PLGRKT: variants seen among roughly 807,000 people sequenced by gnomAD.
PLGRKT encodes plasminogen receptor with a C-terminal lysine, also known as plasminogen receptor (KT).
Under a neutral mutation model 18.5 loss-of-function variants are expected in PLGRKT, and 22 were observed. The observed-to-expected ratio is 1.19, with a 90% CI of 0.85 to 1.70. The LOEUF (loss-of-function observed/expected upper bound fraction) is 1.70. Ranked by LOEUF, PLGRKT falls within the 40% of genes most tolerant of loss-of-function variation. PLGRKT has a pLI of 0.00. For synonymous variants in PLGRKT, 72 were observed against 52.8 expected, an observed-to-expected ratio of 1.36 and a Z score of -1.58; for missense variants, 235 against 174.4, an observed-to-expected ratio of 1.35 and a Z score of -1.96.
chr9:5,415,286 C>T (rs1243942673), intron 3 of PLGRKT, among the ~76,000 whole-genome samples: 1 of 151,998 alleles, frequency 6.6e-6, no homozygotes, highest in East Asian at 1.9e-4. Flanking sequence ...AGTTTATAAC[C>T]CATAGAGTAA....
Position 5,409,523 on chromosome 9 carries a change from T to C in PLGRKT, c.81+22374A>G, listed in dbSNP as rs1818320748. ...TCTTGTGATCGTGTGAGTTAATACT[T>C]AATAAACTCCCCTTTATATATATAC... On this transcript the variant is annotated intron_variant, in intron 3 of 5. Transcript: ENST00000223864. 3.3e-5 allele frequency among the ~76,000 whole-genome samples: 5 copies of C among 152,204 alleles called. No homozygotes were observed. The South Asian group carries it at 1.0e-3, about 31-fold the overall frequency.
intron 4 of PLGRKT, 80 bp downstream of exon 4, chr9:5,361,678 G>C: frequency 7.2e-7 from 1 of 1,380,250 alleles, no homozygotes; most frequent in Non-Finnish European, 1.0e-6. Context: ...GTCTTATTCT[G>C]GCCAACTTCA....
intron 3 of PLGRKT, among the ~76,000 whole-genome samples, chr9:5,363,202 C>G (rs1817306299): frequency 6.6e-6 from 1 of 151,988 alleles, no homozygotes; most frequent in South Asian, 2.1e-4. Context: ...AGAGGATCAG[C>G]AGCACCCGAG....
At chr9:5,420,720 C>T (rs1041461867) in intron 3 of PLGRKT, among the ~76,000 whole-genome samples, 1 of 152,312 alleles carries the variant, frequency 6.6e-6, no homozygotes, top group East Asian at 1.9e-4. Context: ...CTTTCTTCTC[C>T]TCCACCTACT....
rs554487361 is a variant in PLGRKT, at chr9:5,424,698, A to ACACACAC, written c.81+7198_81+7199insGTGTGTG. Among the ~76,000 whole-genome samples, 268 of 75,250 alleles carry ACACACAC rather than the reference A, an allele frequency of 3.6e-3. 5 individuals carry two copies. The highest frequency in any genetic ancestry group is 0.011 in the African/African-American group (242 of 21,480). 49.4% of individuals were successfully genotyped at this position (75,250 alleles called of 152,430 possible). ...TATATATATATATATATATACACAC[A>ACACACAC]GGGGGGGGAGAGAGGGAGAGACAGA... On this transcript the variant is annotated intron_variant, in intron 3 of 5. Transcript: ENST00000223864.
intron 3 of PLGRKT, chr9:5,392,599 T>A (rs550070068): frequency 1.3e-5 from 2 of 152,054 alleles, no homozygotes; most frequent in African/African-American, 4.8e-5. Flanking sequence ...ACATACTAGC[T>A]GTGTGACCTC....
chr9:5,419,876 T>C (rs1368476439), intron 3 of PLGRKT, among the ~76,000 whole-genome samples: 1 of 152,188 alleles, frequency 6.6e-6, no homozygotes, highest in Non-Finnish European at 1.5e-5. Flanking sequence ...ACTAGGTATA[T>C]ACCCAAAAGA....
intron 3 of PLGRKT, among the ~76,000 whole-genome samples, chr9:5,401,238 T>C (rs1475664295): frequency 2.0e-5 from 3 of 151,764 alleles, no homozygotes; most frequent in African/African-American, 7.3e-5. Flanking sequence ...ACTGGAAGTC[T>C]ATCAAAGACA....
At chr9:5,372,357 T>A (rs1817538062) in intron 3 of PLGRKT, among the ~76,000 whole-genome samples, 1 of 152,172 alleles carries the variant, frequency 6.6e-6, no homozygotes, top group South Asian at 2.1e-4. Flanking sequence ...TATATTCATA[T>A]TCTAATATGC....
intron 3 of PLGRKT, among the ~76,000 whole-genome samples, chr9:5,374,725 G>A (rs1222541420): frequency 6.6e-6 from 1 of 152,074 alleles, no homozygotes; most frequent in Admixed American, 6.6e-5. Context: ...ATTTAAGCCT[G>A]ATTTTAATAT....
At chr9:5,369,082 G>A (rs559499796) in intron 3 of PLGRKT, among the ~76,000 whole-genome samples, 1 of 152,232 alleles carries the variant, frequency 6.6e-6, no homozygotes, top group African/African-American at 2.4e-5. Flanking sequence ...AAAAGCAATA[G>A]CAACAAAAGC....
chr9:5,377,056 T>C (rs928415246), intron 3 of PLGRKT, among the ~76,000 whole-genome samples: 1 of 152,192 alleles, frequency 6.6e-6, no homozygotes, highest in Non-Finnish European at 1.5e-5. Context: ...CCTGGGAAGT[T>C]AGAGATCTGT....
chr9:5,412,320 A>G (rs1308527147), intron 3 of PLGRKT, among the ~76,000 whole-genome samples: 1 of 152,230 alleles, frequency 6.6e-6, no homozygotes, highest in Non-Finnish European at 1.5e-5. Flanking sequence ...TTTGGAATCT[A>G]AATGTCAATA....
At chr9:5,384,101 A>AGGTC (rs1817797560) in intron 3 of PLGRKT, among the ~76,000 whole-genome samples, 1 of 152,200 alleles carries the variant, frequency 6.6e-6, no homozygotes, top group South Asian at 2.1e-4. Context: ...CTCAGGCAGG[A>AGGTC]GGTCCACATT....
chr9:5,405,065 TAACAAGGGAAGTG>T (rs1386303607), intron 3 of PLGRKT, among the ~76,000 whole-genome samples: 1 of 152,070 alleles, frequency 6.6e-6, no homozygotes, highest in Non-Finnish European at 1.5e-5. Context: ...GGAATACAGC[TAACAAGGGAAGTG>T]AAGGACCTCT....
At chr9:5,437,058 C>G (rs1371083087) in intron 1 of PLGRKT, among the ~76,000 whole-genome samples, 1 of 151,896 alleles carries the variant, frequency 6.6e-6, no homozygotes, top group Non-Finnish European at 1.5e-5. Flanking sequence ...GATTTCAATC[C>G]CTCTGTCTTC....
intron 3 of PLGRKT, among the ~76,000 whole-genome samples, chr9:5,378,209 G>T (rs1237692894): frequency 6.6e-6 from 1 of 152,208 alleles, no homozygotes; most frequent in Admixed American, 6.5e-5. Flanking sequence ...GGATAAAGGT[G>T]CATAAAGAGA....
In PLGRKT at chr9:5,431,902, G is replaced by A. The variant is rs1213548349; in HGVS notation, c.76C>T (p.Leu26Phe). 6.8e-6 allele frequency: 10 copies of A among 1,460,582 alleles called. No homozygotes were observed. The East Asian group carries it at 2.3e-4, about 33-fold the overall frequency. The allele number at this position is 1,460,582 out of a possible 1,614,324, so 90.5% of individuals were successfully genotyped here. Residue 26 changes from leucine (L) to phenylalanine (F), a missense_variant, in exon 3 of 6, where the codon CTT (leucine) becomes TTT (phenylalanine). By Grantham distance (22) the Leu-to-Phe change is conservative (BLOSUM62 0). Coordinates refer to ENST00000223864, the MANE Select transcript of PLGRKT (RefSeq NM_018465.4). ...QKEFMLMNARLQLERQLIMQS... is the reference protein window; with the variant it reads ...QKEFMLMNARFQLERQLIMQS... Reference sequence around the variant, plus strand: ...TTAATTATTTTAAAACATACCTGAAGTCGAGCATTCATAAGCATGAACTCC... The same window carrying A: ...TTAATTATTTTAAAACATACCTGAAATCGAGCATTCATAAGCATGAACTCC...
intron 3 of PLGRKT, among the ~76,000 whole-genome samples, chr9:5,417,781 G>C (rs965003796): frequency 2.0e-5 from 3 of 150,416 alleles, no homozygotes; most frequent in Non-Finnish European, 3.0e-5. Context: ...CAACACATTG[G>C]AGACAGTTGT....
Sources: allele counts gnomAD v4.1 joint callset (sites outside exome capture counted in the v4.1 genomes callset), GRCh38; gene constraint gnomAD v4.1.1; transcripts MANE v1.5; gene names NCBI Gene and HGNC (gene_info 2026-07-23, HGNC 2026-07-21).